DNAJB1: variants seen among roughly 807,000 people sequenced by gnomAD.
DNAJB1 encodes dnaJ homolog subfamily B member 1.
A neutral mutation model predicts 24.0 loss-of-function variants in DNAJB1; 14 were observed. The observed-to-expected ratio is 0.58, with a 90% CI of 0.39 to 0.91. The LOEUF (loss-of-function observed/expected upper bound fraction) is 0.91. DNAJB1 is among the 40% of genes least tolerant of loss of function. The pLI is 0.00. For missense variants in DNAJB1, 517 were observed against 458.1 expected, an observed-to-expected ratio of 1.13 and a Z score of -1.17; for synonymous variants, 262 against 174.4, an observed-to-expected ratio of 1.50 and a Z score of -3.96.
chr19:14,549,935 T>G (rs1187671997), intron 1 of DNAJB1, among the ~76,000 whole-genome samples: 1 of 151,294 alleles, frequency 6.6e-6, no homozygotes, highest in East Asian at 1.9e-4. Context: ...ACAGTGAGAC[T>G]CTGTCTCAAA....
upstream of DNAJB1, chr19:14,529,456 A>C: frequency 1.6e-6 from 1 of 641,300 alleles, no homozygotes; most frequent in East Asian, 2.7e-5. Context: ...TCGCAAGTTG[A>C]TTGGTCAATC....
upstream of DNAJB1, among the ~76,000 whole-genome samples, chr19:14,554,786 C>T (rs2073659670): frequency 6.8e-6 from 1 of 147,200 alleles, no homozygotes; most frequent in Admixed American, 6.8e-5. Flanking sequence ...CTGCCTTGTG[C>T]TTTTTTTTTT....
intron 1 of DNAJB1, among the ~76,000 whole-genome samples, chr19:14,542,378 T>A (rs1038297509): frequency 4.4e-5 from 5 of 112,396 alleles, no homozygotes; most frequent in Admixed American, 1.9e-4. Context: ...TTTTTTTTTC[T>A]GAGATGGAGT....
chr19:14,516,550 G>C lies in DNAJB1; in HGVS notation c.708C>G (p.Val236=), dbSNP rs2072266244. 1.9e-6 allele frequency: 3 copies of C among 1,614,224 alleles called. No individual in the cohort carries two copies. Among genetic ancestry groups the C allele is most frequent in the Non-Finnish European group, 2.5e-6 (3 of 1,180,044 alleles). ...QTSNNIPADI[V]FVLKDKPHNI... Reference sequence around the variant, plus strand: ...TGTGGGGCTTGTCCTTTAAAACAAAGACGATATCAGCTGGAATGTTGTTGG... The same window carrying C: ...TGTGGGGCTTGTCCTTTAAAACAAACACGATATCAGCTGGAATGTTGTTGG... Residue 236 remains valine (V), a synonymous_variant, in exon 2 of 3, where the codon GTC becomes GTG. Coordinates refer to ENST00000254322, the MANE Select transcript of DNAJB1 (RefSeq NM_006145.3).
chr19:14,553,044 G>T (rs189254597), upstream of DNAJB1, among the ~76,000 whole-genome samples: 9 of 152,158 alleles, frequency 5.9e-5, no homozygotes, highest in African/African-American at 2.2e-4. Flanking sequence ...TGGGGGGCAG[G>T]CCCAGGGCTG....
chr19:14,542,222 C>T (rs1380406860), intron 1 of DNAJB1, among the ~76,000 whole-genome samples: 1 of 152,074 alleles, frequency 6.6e-6, no homozygotes, highest in East Asian at 1.9e-4. Flanking sequence ...GCCTTGACCT[C>T]CCAAAGTGCA....
chr19:14,518,616 C>G (rs1463786900), upstream of DNAJB1, among the ~76,000 whole-genome samples: 1 of 152,104 alleles, frequency 6.6e-6, no homozygotes, highest in Non-Finnish European at 1.5e-5. Context: ...CACCTCCCCG[C>G]GGCGCGCGCG....
chr19:14,549,819 C>T (rs903014283), intron 1 of DNAJB1, among the ~76,000 whole-genome samples: 1 of 151,714 alleles, frequency 6.6e-6, no homozygotes, highest in Non-Finnish European at 1.5e-5. Flanking sequence ...GGCATGCACC[C>T]GTAATCCCAG....
Position 14,516,071 on chromosome 19 carries a change from G to C in DNAJB1, c.892C>G (p.Pro298Ala), listed in dbSNP as rs1269803421. 8.7e-6 allele frequency: 14 copies of C among 1,613,664 alleles called. No homozygotes were observed. Among genetic ancestry groups the C allele is most frequent in the Middle Eastern group, 3.3e-4 (2 of 6,082 alleles). Residue 298 changes from proline to alanine, a missense_variant, in exon 3 of 3, where the codon CCT becomes GCT. Pro to Ala is a conservative substitution (Grantham distance 27, BLOSUM62 -1). Coordinates refer to ENST00000254322, the MANE Select transcript of DNAJB1 (RefSeq NM_006145.3). ...TTGGGGAGGGGGAGGCCTTCTCCAG[G>C]AACTTTTCGCCGCATGCCAGGCCTG... ...VIRPGMRRKV[P>A]GEGLPLPKTP...
At chr19:14,549,203 T>C (rs917275112) in intron 1 of DNAJB1, among the ~76,000 whole-genome samples, 2 of 149,878 alleles carry the variant, frequency 1.3e-5, no homozygotes. Flanking sequence ...CCACAACCTT[T>C]AATTGGACTT....
In DNAJB1 at chr19:14,535,738, C is replaced by T. The variant is rs1397683217; in HGVS notation, c.-213-7928G>A. Among the ~76,000 whole-genome samples, 4 of 104,810 alleles carry T rather than the reference C, an allele frequency of 3.8e-5. No homozygotes were observed. In the Admixed American group the frequency reaches 5.0e-4, roughly 13 times the overall value. 68.8% of individuals were successfully genotyped at this position (104,810 alleles called of 152,430 possible). A position where few individuals can be genotyped will look rare whatever the true frequency, so the allele number is the denominator to read the frequency against. ...ACCACTGCATTCCGGTCCTGGGCAA[C>T]AGAGTGAGACTCTGTCTCAAAAAAA... On this transcript the variant is annotated intron_variant, in intron 1 of 3. Coordinates refer to the DNAJB1 transcript ENST00000676982.
intron 2 of DNAJB1, among the ~76,000 whole-genome samples, chr19:14,524,447 C>G (rs531600948): frequency 6.6e-6 from 1 of 152,024 alleles, no homozygotes; most frequent in East Asian, 1.9e-4. Flanking sequence ...CACTTGAGCT[C>G]AGGAATTCCA....
chr19:14,553,347 A>G (rs2073605563), upstream of DNAJB1, among the ~76,000 whole-genome samples: 1 of 152,154 alleles, frequency 6.6e-6, no homozygotes, highest in South Asian at 2.1e-4. Flanking sequence ...GGTAGAAGAC[A>G]GGAGCAGAGC....
At chr19:14,531,261 T>G (rs2072645461), upstream of DNAJB1, 1 of 151,682 alleles carries the variant, frequency 6.6e-6, no homozygotes, top group Non-Finnish European at 1.5e-5. Flanking sequence ...GGCCTCAAAC[T>G]CTTGACCTCA....
chr19:14,545,858 G>A (rs1282541212), intron 1 of DNAJB1: 1 of 152,844 alleles, frequency 6.5e-6, no homozygotes, highest in African/African-American at 2.4e-5. Context: ...CTGTCCCCGA[G>A]GAGCATCGGA....
intron 1 of DNAJB1, 172 bp downstream of exon 1, chr19:14,517,967 C>A: frequency 1.6e-6 from 1 of 622,786 alleles, no homozygotes; most frequent in Non-Finnish European, 2.5e-6. Flanking sequence ...GGCTCCTCCT[C>A]CCACCGCGCG....
chr19:14,528,138 C>T (rs1286739590), intron 1 of DNAJB1, among the ~76,000 whole-genome samples: 11 of 152,076 alleles, frequency 7.2e-5, no homozygotes, highest in South Asian at 2.1e-4. Flanking sequence ...CCTGTCTTGG[C>T]CTCCCGAAGT....
At chr19:14,529,846 C>T, upstream of DNAJB1, 6 of 1,227,752 alleles carry the variant, frequency 4.9e-6, no homozygotes, top group Admixed American at 2.0e-5. Context: ...AGTGGGCAAG[C>T]GTTGCGCCCC....
chr19:14,545,557 C>T (rs1185774230), intron 1 of DNAJB1, among the ~76,000 whole-genome samples: 2 of 152,190 alleles, frequency 1.3e-5, no homozygotes, highest in Non-Finnish European at 2.9e-5. Context: ...ATATCCCGGC[C>T]CTTGGATCGC....
Sources: allele counts gnomAD v4.1 joint callset (sites outside exome capture counted in the v4.1 genomes callset), GRCh38; gene constraint gnomAD v4.1.1; transcripts MANE v1.5; gene names NCBI Gene and HGNC (gene_info 2026-07-23, HGNC 2026-07-21).